Variants in MAEL observed in about 807,000 individuals in gnomAD.
MAEL encodes the protein maelstrom spermatogenic transposon silencer, also known as protein maelstrom homolog.
Under a neutral mutation model 62.0 loss-of-function variants are expected in MAEL, and 46 were observed. The observed-to-expected ratio is 0.74, with a 90% confidence interval of 0.59 to 0.95. MAEL has a LOEUF of 0.95. Among genes scored for constraint, MAEL ranks in the 40% least tolerant of loss-of-function variants. MAEL has a pLI of 0.00. For missense variants in MAEL, 497 were observed against 526.8 expected (o/e 0.94, Z 0.55); for synonymous variants, 172 against 175.5 (o/e 0.98, Z 0.16).
In MAEL at chr1:167,021,844, T is replaced by A; in HGVS notation, c.1294T>A (p.Ser432Thr). The change falls in exon 12 of 12, where the codon TCC becomes ACC. Residue 432 changes from serine to threonine, a missense_variant. Ser to Thr is a moderately conservative substitution (Grantham distance 58, BLOSUM62 1). Coordinates refer to ENST00000367872, the MANE Select transcript of MAEL (RefSeq NM_032858.3). Reference protein sequence around the residue: ...SQKDGYKSFSSLS With the variant: ...SQKDGYKSFSTLS ...AAAAGATGGATACAAATCTTTCTCT[T>A]CCTTATCTTAATGATGGTACTCTTT... The A allele has an allele frequency of 6.2e-7, 1 of 1,605,018 alleles. No homozygotes were observed. Among genetic ancestry groups the A allele is most frequent in the Non-Finnish European group, 8.5e-7 (1 of 1,174,326 alleles).
Position 167,021,060 on chromosome 1 carries a change from C to T in MAEL, c.1042-25C>T, listed in dbSNP as rs1328658221. On this transcript the variant is annotated intron_variant, in intron 10 of 11. Coordinates refer to ENST00000367872, the MANE Select transcript of MAEL (RefSeq NM_032858.3). ...TGAATAAGAAATAAACATTTTTCCC[C>T]CTGGTATTTTCCTGTTACTTACAGA... The T allele has an allele frequency of 3.9e-6, 6 of 1,535,254 alleles. No individual in the cohort carries two copies. In the South Asian group the frequency reaches 5.6e-5, roughly 14 times the overall value.
intron 6 of MAEL, 117 bp downstream of exon 6, chr1:167,004,421 C>A (rs143519813): frequency 2.3e-6 from 2 of 884,930 alleles, no homozygotes; most frequent in Non-Finnish European, 3.3e-6. Flanking sequence ...TTAAAACACA[C>A]TCATTTTGAA....
intron 4 of MAEL, among the ~76,000 whole-genome samples, chr1:166,993,423 G>A (rs1664276807): frequency 6.6e-6 from 1 of 152,176 alleles, no homozygotes; most frequent in South Asian, 2.1e-4. Context: ...CATAGGATTT[G>A]ATACCCTTGA....
intron 1 of MAEL, among the ~76,000 whole-genome samples, chr1:166,976,166 A>G (rs538670164): frequency 1.3e-5 from 2 of 152,376 alleles, no homozygotes; most frequent in South Asian, 4.1e-4. Context: ...CCAGAATGAG[A>G]TAAATGATTA....
At chr1:167,010,296 T>C (rs1665113574) in intron 8 of MAEL, among the ~76,000 whole-genome samples, 1 of 152,158 alleles carries the variant, frequency 6.6e-6, no homozygotes, top group South Asian at 2.1e-4. Context: ...CTTTATAAAT[T>C]ACCCAGTCTC....
At chr1:167,004,538 C>T (rs1268196479) in intron 6 of MAEL, among the ~76,000 whole-genome samples, 1 of 152,102 alleles carries the variant, frequency 6.6e-6, no homozygotes. Context: ...TGGTAGAGTT[C>T]ATGTTCTCTG....
At chr1:166,981,961 CAG>C (rs2102058207) in intron 1 of MAEL, among the ~76,000 whole-genome samples, 1 of 152,258 alleles carries the variant, frequency 6.6e-6, no homozygotes, top group South Asian at 2.1e-4. Flanking sequence ...TTGATGGAGA[CAG>C]AGACAACAGA....
At chr1:166,983,043 A>G (rs1487657721) in intron 1 of MAEL, among the ~76,000 whole-genome samples, 1 of 152,118 alleles carries the variant, frequency 6.6e-6, no homozygotes, top group Non-Finnish European at 1.5e-5. Context: ...CTTATCTTAC[A>G]TTATTTTTCT....
In MAEL at chr1:166,980,181, C is replaced by T. The variant is rs112728527; in HGVS notation, c.-121+4515C>T. On this transcript the variant is annotated intron_variant, in intron 1 of 12. Transcript: ENST00000622874. Reference sequence around the variant, plus strand: ...TGCAAGTGCATGCCACCATGCCCAGCTAATTTTTAATTTGTATTTTTTTTT... The same window carrying T: ...TGCAAGTGCATGCCACCATGCCCAGTTAATTTTTAATTTGTATTTTTTTTT... Among the ~76,000 whole-genome samples, 682 of 152,072 alleles carry T rather than the reference C, an allele frequency of 4.5e-3. 8 individuals carry two copies. The highest frequency in any genetic ancestry group is 0.016 in the African/African-American group (653 of 41,496).
At chr1:167,004,946 C>A (rs993802712) in intron 6 of MAEL, 130 bp from the exon 7 acceptor site, 2 of 724,512 alleles carry the variant, frequency 2.8e-6, no homozygotes, top group Admixed American at 5.8e-5. Context: ...GCACAAACTC[C>A]TCAGTCTTTC....
chr1:167,018,083 A>C, intron 10 of MAEL, 124 bp downstream of exon 10: 2 of 859,190 alleles, frequency 2.3e-6, no homozygotes, highest in Non-Finnish European at 3.4e-6. Context: ...CATTATTTTG[A>C]AGTACTTCAT....
intron 1 of MAEL, 35 bp from the exon 2 acceptor site, chr1:166,989,702 C>G (rs573752766): frequency 8.8e-6 from 14 of 1,597,798 alleles, no homozygotes; most frequent in Non-Finnish European, 1.2e-5. Context: ...ATCCTCACGG[C>G]TGTTTCTCTT....
chr1:166,985,315 G>A (rs1359369237), upstream of MAEL, among the ~76,000 whole-genome samples: 1 of 152,104 alleles, frequency 6.6e-6, no homozygotes. Context: ...CAAGGGAACA[G>A]CACAATCACC....
At chr1:167,015,434 G>A in intron 8 of MAEL, among the ~76,000 whole-genome samples, 1 of 152,130 alleles carries the variant, frequency 6.6e-6, no homozygotes, top group East Asian at 1.9e-4. Flanking sequence ...ACTGTTTAGT[G>A]TGTTTATAAT....
At chr1:166,983,411 A>G (rs1252181564) in intron 1 of MAEL, among the ~76,000 whole-genome samples, 1 of 151,992 alleles carries the variant, frequency 6.6e-6, no homozygotes, top group Non-Finnish European at 1.5e-5. Flanking sequence ...AGATGATCTC[A>G]TCTAGTTCAT....
At chr1:167,001,259 G>A (rs1416753596) in intron 5 of MAEL, among the ~76,000 whole-genome samples, 1 of 152,098 alleles carries the variant, frequency 6.6e-6, no homozygotes, top group Non-Finnish European at 1.5e-5. Flanking sequence ...GGACTTGGGG[G>A]CAGAAGGGTG....
chr1:167,008,007 G>C (rs1249233643), intron 8 of MAEL, among the ~76,000 whole-genome samples: 1 of 151,736 alleles, frequency 6.6e-6, no homozygotes, highest in African/African-American at 2.4e-5. Flanking sequence ...GCTTTTGAAT[G>C]TCTAAAGCAT....
At position 167,005,406 on chromosome 1, in the gene MAEL, A is replaced by C. The variant is rs746180043; in HGVS notation, c.845+9A>C. 6.3e-7 allele frequency: 1 copy of C among 1,583,594 alleles called. No homozygotes were observed. The highest frequency in any genetic ancestry group is 8.6e-7 in the Non-Finnish European group (1 of 1,165,898). The stretch of plus-strand genomic sequence containing the variant: ...TATTCTAGCAACACAAGGTATTGCT[A>C]GCATTTTTGTTTTAGAGTCATTTTG... On this transcript the variant is annotated intron_variant, in intron 8 of 11. Coordinates refer to ENST00000367872, the MANE Select transcript of MAEL (RefSeq NM_032858.3).
At chr1:167,008,633 T>C (rs60188821) in intron 8 of MAEL, among the ~76,000 whole-genome samples, 12,156 of 152,052 alleles carry the variant, frequency 0.08, 1,128 homozygotes, top group African/African-American at 0.23. Context: ...TTGTTCTTTT[T>C]CTAGTTTTGG....
Sources: allele counts gnomAD v4.1 joint callset (sites outside exome capture counted in the v4.1 genomes callset), GRCh38; gene constraint gnomAD v4.1.1; transcripts MANE v1.5; gene names NCBI Gene and HGNC (gene_info 2026-07-23, HGNC 2026-07-21).